The following MICAL2 variants were observed in gnomAD, a reference collection of about 807,000 sequenced individuals.
MICAL2 encodes the protein microtubule associated monooxygenase, calponin and LIM domain containing 2.
MICAL2 carries 77 observed loss-of-function variants against 127.3 expected under a neutral mutation model. That is an observed-to-expected ratio of 0.60 (90% CI 0.50 to 0.73). The LOEUF is 0.73. MICAL2 is among the 30% of genes least tolerant of loss of function. The pLI, the probability that MICAL2 is intolerant of heterozygous loss-of-function variation, is 0.00. For missense variants in MICAL2, 1,351 were observed against 1,434.4 expected (o/e 0.94, Z 0.94); for synonymous variants, 570 against 551.1 (o/e 1.03, Z -0.48).
rs1423090398 is a variant in MICAL2 at position 12,141,273 on chromosome 11, A to T, written c.-78+2813A>T. On this transcript the variant is annotated intron_variant, in intron 2 of 27. Coordinates refer to ENST00000683283, the MANE Select transcript of MICAL2 (RefSeq NM_001282663.2). ...TTAGCTATGTGGCCTTGGGCGAGTC[A>T]CAGAACCTCAGGGGCCTTCAGATTT... 2.0e-5 allele frequency among the ~76,000 whole-genome samples: 3 copies of T among 152,178 alleles called. No homozygotes were observed. The East Asian group carries it at 5.8e-4, about 29-fold the overall frequency.
intron 29 of MICAL2, among the ~76,000 whole-genome samples, chr11:12,307,153 A>T (rs1864121184): frequency 6.6e-6 from 1 of 152,212 alleles, no homozygotes; most frequent in Admixed American, 6.5e-5. Context: ...TGCCTATGGT[A>T]GTATCTCATT....
At chr11:12,305,857 A>G (rs1261700324) in intron 29 of MICAL2, among the ~76,000 whole-genome samples, 1 of 152,206 alleles carries the variant, frequency 6.6e-6, no homozygotes, top group Non-Finnish European at 1.5e-5. Flanking sequence ...TTTCCCAGGC[A>G]TGTGGGGTTT....
downstream of MICAL2, chr11:12,293,415 C>T (rs1201667762): frequency 9.4e-7 from 1 of 1,062,672 alleles, no homozygotes; most frequent in Non-Finnish European, 1.3e-6. Context: ...CCTTTAAAAT[C>T]ATCTTAGGCA....
chr11:12,215,971 A>G (rs1314500238), intron 7 of MICAL2, among the ~76,000 whole-genome samples: 1 of 152,152 alleles, frequency 6.6e-6, no homozygotes, highest in Non-Finnish European at 1.5e-5. Flanking sequence ...CTGGCCCACA[A>G]CCCCTACAGA....
chr11:12,260,360 G>T (rs1221293251), intron 26 of MICAL2: 39 of 1,310,490 alleles, frequency 3.0e-5, no homozygotes, highest in Non-Finnish European at 3.7e-5. Context: ...ACGGTGCTAG[G>T]GCCAGGGATG....
At chr11:12,262,021 G>A (rs573838592) in intron 26 of MICAL2, 18 of 1,009,248 alleles carry the variant, frequency 1.8e-5, no homozygotes, top group East Asian at 9.7e-5. Context: ...TCTGACTGTC[G>A]TGTACAGCCA....
intron 33 of MICAL2, among the ~76,000 whole-genome samples, chr11:12,353,366 GT>G (rs1489763839): frequency 6.6e-6 from 1 of 152,138 alleles, no homozygotes; most frequent in Non-Finnish European, 1.5e-5. Context: ...TGCACTTCTT[GT>G]TTTGTTCTTC....
At chr11:12,331,424 C>T (rs1365374241) in intron 32 of MICAL2, among the ~76,000 whole-genome samples, 4 of 151,930 alleles carry the variant, frequency 2.6e-5, no homozygotes, top group Non-Finnish European at 5.9e-5. Flanking sequence ...TTCTTCTTCC[C>T]GGAGATTGAG....
At position 12,213,159 on chromosome 11, in the gene MICAL2, C is replaced by T. The variant is rs188370334; in HGVS notation, c.692-96C>T. 94 of 1,385,382 alleles carry T rather than the reference C, an allele frequency of 6.8e-5. No individual in the cohort carries two copies. The African/African-American group carries it at 1.2e-3, about 18-fold the overall frequency. 85.8% of individuals were successfully genotyped at this position (1,385,382 alleles called of 1,614,324 possible). On this transcript the variant is annotated intron_variant, in intron 6 of 27. Coordinates refer to ENST00000683283, the MANE Select transcript of MICAL2 (RefSeq NM_001282663.2). ...GATCCAGAATCCTGGTTTCACTGGC[C>T]TGGGAGGCATCTGGGAACAGCTCTC...
downstream of MICAL2, among the ~76,000 whole-genome samples, chr11:12,266,582 C>A (rs1346164415): frequency 6.6e-6 from 1 of 152,234 alleles, no homozygotes; most frequent in Admixed American, 6.5e-5. Context: ...AGCTCTTCAC[C>A]TCCTTGTGGC....
At chr11:12,342,251 C>T (rs145866388) in intron 32 of MICAL2, among the ~76,000 whole-genome samples, 1 of 152,194 alleles carries the variant, frequency 6.6e-6, no homozygotes, top group African/African-American at 2.4e-5. Flanking sequence ...AGAGTCCCAG[C>T]CATGCCCTGA....
At chr11:12,146,824 A>T (rs902826023) in intron 2 of MICAL2, among the ~76,000 whole-genome samples, 2 of 152,242 alleles carry the variant, frequency 1.3e-5, no homozygotes, top group Admixed American at 6.5e-5. Flanking sequence ...ATGTCCATCA[A>T]TGATAGATTA....
intron 3 of MICAL2, among the ~76,000 whole-genome samples, chr11:12,198,516 T>C (rs1327607119): frequency 1.3e-5 from 2 of 152,174 alleles, no homozygotes; most frequent in African/African-American, 2.4e-5. Context: ...GCTGTTCTTA[T>C]TCACGGTAAA....
At position 12,260,215 on chromosome 11, in the gene MICAL2, C is replaced by T. The variant is rs991271110; in HGVS notation, c.3334+318C>T. 6 of 1,458,316 alleles carry T rather than the reference C, an allele frequency of 4.1e-6. No individual in the cohort carries two copies. In the African/African-American group the frequency reaches 8.5e-5, roughly 21 times the overall value. The allele number at this position is 1,458,316 out of a possible 1,614,324, so 90.3% of individuals were successfully genotyped here. On this transcript the variant is annotated intron_variant, in intron 26 of 27. Transcript: ENST00000683283. ...AAGTGCCTTCACATTTCCAGGGAGG[C>T]TTCAGATGGCAGTGCGTTTGCAGTT...
intron 32 of MICAL2, among the ~76,000 whole-genome samples, chr11:12,329,489 G>C (rs1449603391): frequency 1.3e-5 from 2 of 152,180 alleles, no homozygotes; most frequent in African/African-American, 4.8e-5. Flanking sequence ...TGGGAAGTGG[G>C]GAGCTGTGGG....
intron 16 of MICAL2, among the ~76,000 whole-genome samples, chr11:12,236,995 G>T (rs1400928236): frequency 6.6e-6 from 1 of 152,216 alleles, no homozygotes; most frequent in Non-Finnish European, 1.5e-5. Flanking sequence ...ATATCTGATT[G>T]ATAGGAGGTA....
chr11:12,304,748 C>CAGTCTGT (rs1293430294), intron 29 of MICAL2, among the ~76,000 whole-genome samples: 1 of 151,912 alleles, frequency 6.6e-6, no homozygotes, highest in African/African-American at 2.4e-5. Flanking sequence ...ATAAATTAGG[C>CAGTCTGT]AGTCTGTTTT....
intron 15 of MICAL2, among the ~76,000 whole-genome samples, chr11:12,228,775 A>G (rs1047437662): frequency 6.6e-6 from 1 of 152,136 alleles, no homozygotes; most frequent in Admixed American, 6.5e-5. Flanking sequence ...AGGACAGGCT[A>G]TGGGATTTGG....
At chr11:12,160,803 C>T (rs1309539562) in intron 2 of MICAL2, among the ~76,000 whole-genome samples, 8 of 152,354 alleles carry the variant, frequency 5.3e-5, no homozygotes, top group African/African-American at 1.7e-4. Context: ...CCTGAGCCTA[C>T]GTATTCCCGG....
Sources: gnomAD v4.1 joint callset for allele counts (sites outside exome capture counted in the v4.1 genomes callset) on GRCh38, gnomAD v4.1.1 for gene constraint, MANE v1.5 for transcripts, NCBI Gene and HGNC (gene_info 2026-07-23, HGNC 2026-07-21) for gene names.